MRC1: variants seen among roughly 807,000 people sequenced by gnomAD.
MRC1 encodes mannose receptor C-type 1, also known as macrophage mannose receptor 1.
A neutral mutation model predicts 102.9 loss-of-function variants in MRC1; 62 were observed. That is an observed-to-expected ratio of 0.60 (90% CI 0.49 to 0.74). MRC1 has a LOEUF of 0.74. MRC1 is among the 30% of genes least tolerant of loss of function. MRC1 has a pLI of 0.00. For synonymous variants in MRC1, 457 were observed against 298.4 expected (o/e 1.53, Z -5.48); for missense variants, 1,237 against 862.8 (o/e 1.43, Z -5.43).
intron 4 of MRC1, among the ~76,000 whole-genome samples, chr10:17,840,134 G>A (rs1838729690): frequency 7.6e-6 from 1 of 131,844 alleles, no homozygotes; most frequent in South Asian, 2.1e-4. Flanking sequence ...TGAGGTCCGT[G>A]TTGTTTCTGG....
intron 3 of MRC1, among the ~76,000 whole-genome samples, chr10:17,828,362 G>A (rs1361421061): frequency 7.3e-5 from 11 of 151,404 alleles, no homozygotes; most frequent in Non-Finnish European, 1.5e-4. Flanking sequence ...GGCATGAGCC[G>A]GCGCGCCCGA....
At chr10:17,833,936 A>G (rs1838621972) in intron 4 of MRC1, 97 bp downstream of exon 4, 3 of 710,604 alleles carry the variant, frequency 4.2e-6, no homozygotes, top group Non-Finnish European at 5.2e-6. Flanking sequence ...AGATGTTATG[A>G]CAGAAGCAAT....
intron 5 of MRC1, among the ~76,000 whole-genome samples, chr10:17,843,970 G>C (rs1424700219): frequency 6.6e-6 from 1 of 152,134 alleles, no homozygotes; most frequent in African/African-American, 2.4e-5. Flanking sequence ...CTAGTTTGGG[G>C]AGTACTGGTT....
chr10:17,839,588 C>T (rs952666564), intron 4 of MRC1, among the ~76,000 whole-genome samples: 2 of 152,058 alleles, frequency 1.3e-5, no homozygotes, highest in Admixed American at 6.6e-5. Flanking sequence ...GTAGGAGGAA[C>T]GCTTGGACCC....
At chr10:17,901,721 A>G (rs933683164) in intron 25 of MRC1, among the ~76,000 whole-genome samples, 21 of 152,152 alleles carry the variant, frequency 1.4e-4, no homozygotes, top group African/African-American at 4.8e-4. Context: ...GTAGGTATCT[A>G]TAGATCGATT....
chr10:17,853,768 A>AT, intron 8 of MRC1, among the ~76,000 whole-genome samples: 1 of 152,106 alleles, frequency 6.6e-6, no homozygotes, highest in Non-Finnish European at 1.5e-5. Context: ...GTCATATGAA[A>AT]TGATTGCTTT....
At chr10:17,816,769 C>T (rs1554837924) in intron 1 of MRC1, among the ~76,000 whole-genome samples, 1 of 152,114 alleles carries the variant, frequency 6.6e-6, no homozygotes, top group Non-Finnish European at 1.5e-5. Context: ...AAGTTATTGT[C>T]TTTTGTGTTC....
chr10:17,845,202 G>A (rs892217068), intron 5 of MRC1, 87 bp from the exon 6 acceptor site: 6 of 780,214 alleles, frequency 7.7e-6, no homozygotes, highest in African/African-American at 3.4e-5. Flanking sequence ...TGAATCCCCA[G>A]GATGAAGACA....
chr10:17,819,169 G>A (rs1838356442), intron 1 of MRC1, among the ~76,000 whole-genome samples: 1 of 152,088 alleles, frequency 6.6e-6, no homozygotes, highest in African/African-American at 2.4e-5. Flanking sequence ...TACATCGCAG[G>A]CAATCTGCAA....
chr10:17,846,643 T>C (rs1336370029), intron 6 of MRC1, among the ~76,000 whole-genome samples: 1 of 152,216 alleles, frequency 6.6e-6, no homozygotes, highest in Non-Finnish European at 1.5e-5. Flanking sequence ...TAAACAAATA[T>C]ATTTATAATT....
At chr10:17,890,370 T>C (rs1833655337) in intron 22 of MRC1, among the ~76,000 whole-genome samples, 2 of 152,204 alleles carry the variant, frequency 1.3e-5, no homozygotes, top group Non-Finnish European at 2.9e-5. Context: ...CAGTCGTTAA[T>C]TTTGGGAAAT....
At chr10:17,864,016 T>C (rs1026667151) in intron 11 of MRC1, among the ~76,000 whole-genome samples, 2,792 of 152,274 alleles carry the variant, frequency 0.018, 82 homozygotes, top group African/African-American at 0.064. Context: ...TTCTTTCTTT[T>C]TTTTGAGACA....
At chr10:17,818,153 A>G (rs1838340538) in intron 1 of MRC1, among the ~76,000 whole-genome samples, 1 of 152,246 alleles carries the variant, frequency 6.6e-6, no homozygotes, top group South Asian at 2.1e-4. Flanking sequence ...ACATTTCTAA[A>G]TTGCTCTTCA....
At chr10:17,897,933 A>G (rs2130713937) in intron 23 of MRC1, 101 bp from the exon 24 acceptor site, 1 of 771,694 alleles carries the variant, frequency 1.3e-6, no homozygotes, top group Non-Finnish European at 2.4e-6. Context: ...GAGTTATGCT[A>G]CTTTGCTTAT....
intron 25 of MRC1, among the ~76,000 whole-genome samples, chr10:17,901,410 C>T (rs954092820): frequency 1.3e-5 from 2 of 152,158 alleles, no homozygotes; most frequent in African/African-American, 2.4e-5. Flanking sequence ...ATCTTTGGGC[C>T]GGGTGCGGTG....
intron 11 of MRC1, among the ~76,000 whole-genome samples, chr10:17,865,261 A>G (rs1223459705): frequency 6.6e-6 from 1 of 152,252 alleles, no homozygotes; most frequent in Non-Finnish European, 1.5e-5. Flanking sequence ...GAAATAGATC[A>G]GTAACCTAAA....
intron 19 of MRC1, 97 bp from the exon 20 acceptor site, chr10:17,880,428 G>A: frequency 6.7e-6 from 5 of 747,504 alleles, no homozygotes; most frequent in Non-Finnish European, 1.2e-5. Flanking sequence ...GTCTAAATAA[G>A]TTTTGAGAAT....
intron 2 of MRC1, 121 bp from the exon 3 acceptor site, chr10:17,827,421 T>C: frequency 2.3e-6 from 1 of 439,184 alleles, no homozygotes; most frequent in Non-Finnish European, 4.3e-6. Context: ...GAAATCCCTC[T>C]GTGGGTGCAT....
chr10:17,813,024 G>C (rs1254590878), intron 1 of MRC1, among the ~76,000 whole-genome samples: 1 of 152,160 alleles, frequency 6.6e-6, no homozygotes, highest in Non-Finnish European at 1.5e-5. Flanking sequence ...TTGGTGGACA[G>C]AGAAGCCTTA....
Sources: gnomAD v4.1 joint callset for allele counts (sites outside exome capture counted in the v4.1 genomes callset) on GRCh38, gnomAD v4.1.1 for gene constraint, MANE v1.5 for transcripts, NCBI Gene and HGNC (gene_info 2026-07-23, HGNC 2026-07-21) for gene names.